Variants in IL1RAPL2 observed in about 807,000 individuals in gnomAD.
The protein encoded by IL1RAPL2 is interleukin 1 receptor accessory protein like 2.
In IL1RAPL2, 3 loss-of-function variants were observed where a neutral mutation model predicts 44.1. The observed-to-expected ratio is 0.07, with a 90% CI of 0.03 to 0.18. The LOEUF (loss-of-function observed/expected upper bound fraction) is 0.18. Ranked by LOEUF, IL1RAPL2 falls within the 10% of genes least tolerant of loss-of-function variation. The pLI is 1.00. For missense variants in IL1RAPL2, 391 were observed against 496.4 expected, an observed-to-expected ratio of 0.79 and a Z score of 2.02; for synonymous variants, 181 against 178.8, an observed-to-expected ratio of 1.01 and a Z score of -0.10.
intron 2 of IL1RAPL2, among the ~76,000 whole-genome samples, chrX:104,810,654 T>A (rs932371888): frequency 1.8e-5 from 2 of 111,520 alleles, no homozygotes; most frequent in African/African-American, 6.5e-5. Context: ...TAAGCTAAGA[T>A]CTCAGGGTCA....
intron 5 of IL1RAPL2, among the ~76,000 whole-genome samples, chrX:105,415,091 CTT>C (rs1390453348): frequency 8.9e-6 from 1 of 111,895 alleles, no homozygotes; most frequent in East Asian, 2.8e-4. Context: ...TCTCTTATGT[CTT>C]TAAACATTTG....
chrX:104,903,080 A>AG (rs1159681200), intron 2 of IL1RAPL2, among the ~76,000 whole-genome samples: 1 of 111,636 alleles, frequency 9.0e-6, no homozygotes, highest in Non-Finnish European at 1.9e-5. Context: ...TTGGCTGCAG[A>AG]GGGGGCATTA....
chrX:105,191,941 G>A (rs1284789470), intron 2 of IL1RAPL2, among the ~76,000 whole-genome samples: 5 of 111,733 alleles, frequency 4.5e-5, no homozygotes, highest in African/African-American at 1.6e-4. Context: ...AAGCTATCTA[G>A]TCAACAGTCT....
At chrX:104,578,127 C>T (rs1266642570) in intron 1 of IL1RAPL2, among the ~76,000 whole-genome samples, 1 of 111,708 alleles carries the variant, frequency 9.0e-6, no homozygotes, top group East Asian at 2.8e-4. Flanking sequence ...ATAACAAACA[C>T]CCACATCTTA....
At chrX:104,734,927 G>A (rs1401348196) in intron 2 of IL1RAPL2, among the ~76,000 whole-genome samples, 1 of 111,842 alleles carries the variant, frequency 8.9e-6, no homozygotes, top group Non-Finnish European at 1.9e-5. Context: ...TATTAATAGT[G>A]TCAATTGTAG....
At chrX:105,618,189 G>A (rs440424) in intron 6 of IL1RAPL2, among the ~76,000 whole-genome samples, 50,171 of 106,856 alleles carry the variant, frequency 0.47, 10,408 homozygotes, top group African/African-American at 0.8. Context: ...GAAAGAACAA[G>A]CAGAGGGAAA....
intron 2 of IL1RAPL2, among the ~76,000 whole-genome samples, chrX:104,965,078 G>A (rs1040210724): frequency 2.7e-5 from 3 of 111,962 alleles, no homozygotes; most frequent in African/African-American, 9.7e-5. Context: ...TAAGGTAACA[G>A]TAAACTTGCA....
chrX:105,639,342 C>T (rs926983251), intron 6 of IL1RAPL2, among the ~76,000 whole-genome samples: 25 of 111,683 alleles, frequency 2.2e-4, no homozygotes, highest in Non-Finnish European at 4.1e-4. Flanking sequence ...ACACAACCTG[C>T]TATAACTCTC....
chrX:104,766,154 A>G (rs1182277155), intron 2 of IL1RAPL2, among the ~76,000 whole-genome samples: 1 of 112,086 alleles, frequency 8.9e-6, no homozygotes, highest in African/African-American at 3.2e-5. Context: ...TTTATCAAGT[A>G]TATGTAGTAG....
intron 6 of IL1RAPL2, among the ~76,000 whole-genome samples, chrX:105,587,201 T>C (rs1468603482): frequency 8.9e-6 from 1 of 111,996 alleles, no homozygotes. Flanking sequence ...AAAATTAATA[T>C]ATACTTTTCT....
At chrX:104,892,299 A>G (rs996338359) in intron 2 of IL1RAPL2, among the ~76,000 whole-genome samples, 2 of 111,716 alleles carry the variant, frequency 1.8e-5, no homozygotes, top group South Asian at 3.8e-4. Context: ...TCAGGATGAT[A>G]CTGGCCTCAT....
At chrX:104,622,063 C>T (rs1033863910) in intron 1 of IL1RAPL2, among the ~76,000 whole-genome samples, 10 of 110,028 alleles carry the variant, frequency 9.1e-5, no homozygotes, top group Non-Finnish European at 1.9e-4. Context: ...GTATCTCATG[C>T]GAGAAGTTTT....
chrX:104,857,534 A>T (rs1922396218), intron 2 of IL1RAPL2, among the ~76,000 whole-genome samples: 2 of 112,157 alleles, frequency 1.8e-5, no homozygotes, highest in Admixed American at 1.9e-4. Context: ...GACCACTTTA[A>T]TGAGATTCCC....
At position 105,168,659 on chromosome X, in the gene IL1RAPL2, G is replaced by C. The variant is rs189951383; in HGVS notation, c.83-26816G>C. Among the ~76,000 whole-genome samples the C allele has an allele frequency of 3.3e-3, 361 of 110,015 alleles. 3 individuals are homozygous for C. Among genetic ancestry groups the C allele is most frequent in the African/African-American group, 0.011 (341 of 30,159 alleles). ...GTCTTGAGACAGAGGAAGAGCCAAT[G>C]TTTCAGTTCAATCTGAAGGCAGGAA... is the stretch of plus-strand genomic sequence containing the variant. On this transcript the variant is annotated intron_variant, in intron 2 of 10. Transcript: ENST00000372582.
Position 105,092,081 on chromosome X carries a change from G to GT in IL1RAPL2, c.83-103386dup, listed in dbSNP as rs745610683. On this transcript the variant is annotated intron_variant, in intron 2 of 10. Transcript: ENST00000372582. The stretch of plus-strand genomic sequence containing the variant: ...CTATTCAGTGGTAGGCCTTTTCAAT[G>GT]TTTTTTTTATTTCATTGTTATCGTC... Among the ~76,000 whole-genome samples the GT allele has an allele frequency of 3.7e-3, 406 of 111,113 alleles. 3 individuals are homozygous for GT. In the South Asian group the frequency reaches 0.042, roughly 12 times the overall value.
intron 2 of IL1RAPL2, among the ~76,000 whole-genome samples, chrX:105,009,423 A>T (rs1186192229): frequency 2.9e-4 from 32 of 109,476 alleles, no homozygotes; most frequent in African/African-American, 9.4e-4. Flanking sequence ...GCAGCCATAA[A>T]AAAGGATGAG....
chrX:105,485,051 G>A (rs1361761077), intron 6 of IL1RAPL2, among the ~76,000 whole-genome samples: 5 of 111,691 alleles, frequency 4.5e-5, no homozygotes, highest in African/African-American at 1.3e-4. Flanking sequence ...TCAAATTGTG[G>A]CCTTTAATTT....
intron 3 of IL1RAPL2, chrX:105,219,459 G>A: frequency 8.3e-7 from 1 of 1,207,550 alleles, no homozygotes; most frequent in East Asian, 3.0e-5. Flanking sequence ...GGAGCTGCAG[G>A]AGGATTCTCT....
At chrX:105,684,756 T>G (rs1471216360) in intron 6 of IL1RAPL2, among the ~76,000 whole-genome samples, 1 of 112,086 alleles carries the variant, frequency 8.9e-6, no homozygotes, top group Non-Finnish European at 1.9e-5. Flanking sequence ...ACGAGTAGCC[T>G]AACTGGGAGA....
Sources: allele counts gnomAD v4.1 joint callset (sites outside exome capture counted in the v4.1 genomes callset), GRCh38; gene constraint gnomAD v4.1.1; transcripts MANE v1.5; gene names NCBI Gene and HGNC (gene_info 2026-07-23, HGNC 2026-07-21).